The following EDRF1 variants were observed in gnomAD, a reference collection of about 807,000 sequenced individuals.
The protein encoded by EDRF1 is erythroid differentiation regulatory factor 1.
EDRF1 carries 69 observed loss-of-function variants against 148.7 expected under a neutral mutation model. The ratio of observed to expected loss-of-function variants is 0.46; its 90% CI spans 0.38 to 0.57. The LOEUF (loss-of-function observed/expected upper bound fraction) is 0.57, where lower values mean the gene tolerates loss of function less well. EDRF1 is among the 20% of genes least tolerant of loss of function. The pLI, the probability that EDRF1 is intolerant of heterozygous loss-of-function variation, is 0.00. For synonymous variants in EDRF1, 515 were observed against 532.8 expected (o/e 0.97, Z 0.46); for missense variants, 1,118 against 1,478.7 (o/e 0.76, Z 4.00).
At position 125,737,946 on chromosome 10, in the gene EDRF1, A is replaced by G. The variant is rs1349239098; in HGVS notation, c.1787A>G (p.Asp596Gly). The G allele has an allele frequency of 6.2e-7, 1 of 1,614,032 alleles. No homozygotes were observed. The highest frequency in any genetic ancestry group is 1.7e-5 in the Admixed American group (1 of 60,020). ...AGTTGTGCATTTCCAGTTTGCCATG[A>G]CACAGAAGAGCGCTGTAGACTTGTG... ...RPSCAFPVCH[D>G]TEERCRLVLS... Residue 596 changes from aspartate (D) to glycine (G), a missense_variant, in exon 14 of 25, where the codon GAC (aspartate) becomes GGC (glycine). Transcript: ENST00000356792.
At position 125,735,640 on chromosome 10, in the gene EDRF1, T is replaced by C. The variant is rs773357167; in HGVS notation, c.1498-4T>C. 1 of 1,612,092 alleles carries C rather than the reference T, an allele frequency of 6.2e-7. No individual in the cohort carries two copies. The highest frequency in any genetic ancestry group is 1.1e-5 in the South Asian group (1 of 90,940). On this transcript the variant is annotated splice_polypyrimidine_tract_variant and splice_region_variant and intron_variant, in intron 12 of 24. Transcript: ENST00000356792. The stretch of plus-strand genomic sequence containing the variant: ...TTTACACATATTTCTCTCTTTTTCA[T>C]AAGATTATTGCTTCCGCCAATTACA...
chr10:125,735,869 G>T lies in EDRF1; in HGVS notation c.1723G>T (p.Val575Leu). 3 of 1,611,576 alleles carry T rather than the reference G, an allele frequency of 1.9e-6. No homozygotes were observed. Among genetic ancestry groups the T allele is most frequent in the Non-Finnish European group, 2.5e-6 (3 of 1,178,220 alleles). ...AATCAAGTCTGTTGGAGAACTATCAGTACCAGAAAAATACAAATCTATTCA... is the reference window on the plus strand; with the variant it reads ...AATCAAGTCTGTTGGAGAACTATCATTACCAGAAAAATACAAATCTATTCA... ...AIIKSVGELS[V>L]PEKYKSIHQI... Residue 575 changes from valine (V) to leucine (L), a missense_variant, in exon 13 of 25, where the codon GTA becomes TTA. By Grantham distance (32) the Val-to-Leu change is conservative. Coordinates refer to ENST00000356792, the MANE Select transcript of EDRF1 (RefSeq NM_001202438.2).
chr10:125,720,759 C>T (rs186206080), intron 1 of EDRF1, among the ~76,000 whole-genome samples: 5 of 149,950 alleles, frequency 3.3e-5, no homozygotes, highest in Non-Finnish European at 5.9e-5. Flanking sequence ...TGCAGTGAGC[C>T]ATGATTGCTC....
chr10:125,741,400 C>G (rs1310184222), intron 17 of EDRF1, 199 bp downstream of exon 17: 1 of 611,672 alleles, frequency 1.6e-6, no homozygotes, highest in African/African-American at 1.8e-5. Context: ...TCACTGAAAC[C>G]TCCGCCTCCC....
At chr10:125,761,771 A>G (rs1850203671) in intron 24 of EDRF1, among the ~76,000 whole-genome samples, 1 of 152,244 alleles carries the variant, frequency 6.6e-6, no homozygotes. Flanking sequence ...TGATCCCTGC[A>G]GCCATCAATT....
intron 22 of EDRF1, among the ~76,000 whole-genome samples, chr10:125,750,926 CT>C (rs1046904423): frequency 6.6e-6 from 1 of 152,000 alleles, no homozygotes; most frequent in Non-Finnish European, 1.5e-5. Context: ...GATCAAGCAT[CT>C]TTTTTGTTGT....
At chr10:125,726,097 T>A (rs534481926) in intron 6 of EDRF1, among the ~76,000 whole-genome samples, 3 of 152,252 alleles carry the variant, frequency 2.0e-5, no homozygotes, top group African/African-American at 7.2e-5. Flanking sequence ...ACTGATATGT[T>A]TATTAATACT....
chr10:125,725,689 G>T lies in EDRF1; in HGVS notation c.643G>T (p.Gly215Cys). 1 of 1,614,032 alleles carries T rather than the reference G, an allele frequency of 6.2e-7. No individual in the cohort carries two copies. ...TATTTCTGGTTTGGCCAGTATCAAT[G>T]GTGATGGAGCCGCTCAGCCTGTCTC... The part of the protein sequence containing the change: ...LSKFLYYSIN[G>C]DGAAQPVSST... The change falls in exon 6 of 25, where the codon GGT becomes TGT. Residue 215 changes from glycine (G) to cysteine (C), a missense_variant. Physicochemically the swap from Gly to Cys is radical, Grantham distance 159 (BLOSUM62 -3). Around this residue, in one of 3 missense-constraint regions of EDRF1, gnomAD observed 954 missense variants for 1,241.4 expected, o/e 0.77. Transcript: ENST00000356792.
At chr10:125,736,778 T>A (rs370973438) in intron 13 of EDRF1, among the ~76,000 whole-genome samples, 3 of 151,880 alleles carry the variant, frequency 2.0e-5, no homozygotes, top group African/African-American at 7.3e-5. Flanking sequence ...GCTTGGAATG[T>A]ACCTACCCTA....
Position 125,725,302 on chromosome 10 carries a change from A to T in EDRF1, c.511-16A>T, listed in dbSNP as rs1212346491. 6.2e-7 allele frequency: 1 copy of T among 1,613,698 alleles called. No homozygotes were observed. Among genetic ancestry groups the T allele is most frequent in the Admixed American group, 1.7e-5 (1 of 60,026 alleles). ...TATGTGTGTTGTATTAATAATATGT[A>T]TCTCATGTTATCCAGACTGGTGACT... On this transcript the variant is annotated splice_polypyrimidine_tract_variant and intron_variant, in intron 4 of 24. Coordinates refer to ENST00000356792, the MANE Select transcript of EDRF1 (RefSeq NM_001202438.2).
chr10:125,738,797 T>C (rs904276077), intron 15 of EDRF1, among the ~76,000 whole-genome samples: 7 of 152,318 alleles, frequency 4.6e-5, no homozygotes, highest in African/African-American at 1.7e-4. Flanking sequence ...GCTCCACTTC[T>C]TTGAGTCACT....
At chr10:125,745,663 C>G in intron 18 of EDRF1, 44 bp from the exon 19 acceptor site, 1 of 1,596,898 alleles carries the variant, frequency 6.3e-7, no homozygotes. Flanking sequence ...AAGGTTTACA[C>G]TGATGTCTGC....
At position 125,721,234 on chromosome 10, in the gene EDRF1, G is replaced by T; in HGVS notation, c.139G>T (p.Val47Leu). The T allele has an allele frequency of 6.2e-7, 1 of 1,614,190 alleles. No individual in the cohort carries two copies. Among genetic ancestry groups the T allele is most frequent in the Non-Finnish European group, 8.5e-7 (1 of 1,180,036 alleles). ...AGCTTTATTTCTTGGAGGCAATGAA[G>T]TGAAGAGCCGAGCTGTGGTGAAATA... ...GSALFLGGNE[V>L]KSRAVVKYSS... Residue 47 changes from valine to leucine, a missense_variant, in exon 2 of 25, where the codon GTG becomes TTG. Coordinates refer to ENST00000356792, the MANE Select transcript of EDRF1 (RefSeq NM_001202438.2).
At chr10:125,726,958 A>C (rs761838111) in intron 6 of EDRF1, among the ~76,000 whole-genome samples, 27 of 152,176 alleles carry the variant, frequency 1.8e-4, no homozygotes, top group Non-Finnish European at 3.1e-4. Flanking sequence ...GAGAGTCGGG[A>C]ATCTGTAGAC....
chr10:125,753,055 C>T (rs1442577486), intron 23 of EDRF1, 141 bp downstream of exon 23: 9 of 666,194 alleles, frequency 1.4e-5, no homozygotes, highest in East Asian at 2.8e-5. Flanking sequence ...AACATTTTAA[C>T]AGTGATTTGT....
At position 125,729,492 on chromosome 10, in the gene EDRF1, C is replaced by G. The variant is rs758385197; in HGVS notation, c.1016+13C>G. 2 of 1,614,092 alleles carry G rather than the reference C, an allele frequency of 1.2e-6. No homozygotes were observed. The highest frequency in any genetic ancestry group is 1.7e-6 in the Non-Finnish European group (2 of 1,179,960). ...GCTTACGTCTCAGGTGAACTAACAT[C>G]ATACCCCTCCTCAAGCTTATGGTAT... is the stretch of plus-strand genomic sequence containing the variant. On this transcript the variant is annotated intron_variant, in intron 8 of 24. Coordinates refer to ENST00000356792, the MANE Select transcript of EDRF1 (RefSeq NM_001202438.2).
At position 125,740,512 on chromosome 10, in the gene EDRF1, T is replaced by G. The variant is rs368505489; in HGVS notation, c.2031T>G (p.Pro677=). 1.8e-5 allele frequency: 29 copies of G among 1,614,038 alleles called. No individual in the cohort carries two copies. Among genetic ancestry groups the G allele is most frequent in the Non-Finnish European group, 2.3e-5 (27 of 1,180,042 alleles). Residue 677 remains proline, a synonymous_variant, in exon 16 of 25, where the codon CCT becomes CCG. Coordinates refer to ENST00000356792, the MANE Select transcript of EDRF1 (RefSeq NM_001202438.2). ...GNYSSQSGMI[P]GSWQHKMKLQ... Reference sequence around the variant, plus strand: ...ATTCCAGTCAATCTGGAATGATCCCTGGCTCTTGGCAACATAAAATGAAAC... The same window carrying G: ...ATTCCAGTCAATCTGGAATGATCCCGGGCTCTTGGCAACATAAAATGAAAC...
intron 3 of EDRF1, 83 bp downstream of exon 3, chr10:125,723,217 AAATG>A: frequency 8.3e-7 from 1 of 1,210,126 alleles, no homozygotes; most frequent in Non-Finnish European, 1.2e-6. Flanking sequence ...TGCATAATAT[AAATG>A]TGCAAGTCTT....
Position 125,764,056 on chromosome 10 carries a change from T to C in EDRF1, c.*584T>C, listed in dbSNP as rs563114901. On this transcript the variant is annotated 3_prime_UTR_variant, in exon 25 of 25. Coordinates refer to ENST00000356792, the MANE Select transcript of EDRF1 (RefSeq NM_001202438.2). ...TATATGACAGTTGATCAAGAACAGG[T>C]ACTACCCCTTTTTTTCATTTCAAAC... is the stretch of plus-strand genomic sequence containing the variant. The C allele has an allele frequency of 6.5e-6, 1 of 153,056 alleles. No individual in the cohort carries two copies. The highest frequency in any genetic ancestry group is 1.5e-5 in the Non-Finnish European group (1 of 68,248). The allele number at this position is 153,056 out of a possible 1,614,324, so 9.5% of individuals were successfully genotyped here.
Sources: allele counts gnomAD v4.1 joint callset (sites outside exome capture counted in the v4.1 genomes callset), GRCh38; gene constraint gnomAD v4.1.1; regional missense constraint gnomAD v4.1.1; transcripts MANE v1.5; gene names NCBI Gene and HGNC (gene_info 2026-07-23, HGNC 2026-07-21).